Variants in ZDHHC11 observed in about 807,000 individuals in gnomAD.
ZDHHC11 encodes the protein zDHHC palmitoyltransferase 11.
A neutral mutation model predicts 51.3 loss-of-function variants in ZDHHC11; 44 were observed. The observed-to-expected ratio is 0.86, with a 90% CI of 0.67 to 1.10. The LOEUF (loss-of-function observed/expected upper bound fraction) is 1.10. Ranked by LOEUF, ZDHHC11 falls within the 50% of genes least tolerant of loss-of-function variation. The pLI, the probability that ZDHHC11 is intolerant of heterozygous loss-of-function variation, is 0.00. For missense variants in ZDHHC11, 400 were observed against 537.7 expected (o/e 0.74, Z 2.53); for synonymous variants, 163 against 222.0 (o/e 0.73, Z 2.36).
chr5:860,021 C>T (rs550545990), upstream of ZDHHC11, among the ~76,000 whole-genome samples: 2 of 152,206 alleles, frequency 1.3e-5, no homozygotes, highest in African/African-American at 2.4e-5. The surrounding 1 kb of genome is among the most constrained non-coding windows in gnomAD (Gnocchi z 4.2). Context: ...GCCCTCTTGC[C>T]GGCTGAAGCC....
rs59892924 is a variant in ZDHHC11, at chr5:813,350, AT to A, written c.1181+1410del. Among the ~76,000 whole-genome samples, 9 of 142,230 alleles carry A rather than the reference AT, an allele frequency of 6.3e-5. 1 individual carries two copies. The highest frequency in any genetic ancestry group is 2.9e-4 in the Admixed American group (4 of 13,802). 93.3% of individuals were successfully genotyped at this position (142,230 alleles called of 152,430 possible). A position where few individuals can be genotyped will look rare whatever the true frequency, so the allele number is the denominator to read the frequency against. On this transcript the variant is annotated intron_variant, in intron 11 of 12. Coordinates refer to ENST00000283441, the MANE Select transcript of ZDHHC11 (RefSeq NM_024786.3). The stretch of plus-strand genomic sequence containing the variant: ...CTCAAAAAAATAAAAAAATAAAAAA[AT>A]AAATGTTCCTCCATGATCCAGGGCA...
At chr5:818,750 A>C (rs534050936) in intron 10 of ZDHHC11, among the ~76,000 whole-genome samples, 2 of 151,414 alleles carry the variant, frequency 1.3e-5, no homozygotes, top group African/African-American at 4.8e-5. Context: ...AGTTTCAGCT[A>C]CTCGGGAGGC....
chr5:805,474 T>G (rs1739113478), intron 11 of ZDHHC11, among the ~76,000 whole-genome samples: 1 of 151,164 alleles, frequency 6.6e-6, no homozygotes, highest in Non-Finnish European at 1.5e-5. Context: ...TGTTATACAT[T>G]TAAGACATTA....
chr5:850,671 A>G lies in ZDHHC11; in HGVS notation c.-69T>C, dbSNP rs1355317974. 61 of 1,575,720 alleles carry G rather than the reference A, an allele frequency of 3.9e-5. No individual in the cohort carries two copies. Among genetic ancestry groups the G allele is most frequent in the Non-Finnish European group, 5.3e-5 (61 of 1,156,688 alleles). On this transcript the variant is annotated 5_prime_UTR_variant, in exon 1 of 13. Coordinates refer to ENST00000283441, the MANE Select transcript of ZDHHC11 (RefSeq NM_024786.3). ...GAGGGCCGGCCCCGCCCACTGTCACAGAGACCAAGGGGACTGGGAATGCAG... is the reference window on the plus strand; with the variant it reads ...GAGGGCCGGCCCCGCCCACTGTCACGGAGACCAAGGGGACTGGGAATGCAG...
chr5:799,270 T>C (rs568878896), intron 12 of ZDHHC11, among the ~76,000 whole-genome samples: 1 of 151,472 alleles, frequency 6.6e-6, no homozygotes, highest in East Asian at 1.9e-4. Context: ...GCCCTTCGCC[T>C]CCTCTCTCTC....
upstream of ZDHHC11, among the ~76,000 whole-genome samples, chr5:853,002 G>GC (rs1561313353): frequency 7.8e-5 from 11 of 141,666 alleles, no homozygotes; most frequent in African/African-American, 1.6e-4. Flanking sequence ...GAGCCAGGGG[G>GC]ACAGACCCCA....
At chr5:814,838 C>T in intron 10 of ZDHHC11, 43 bp from the exon 11 acceptor site, 1 of 1,492,270 alleles carries the variant, frequency 6.7e-7, no homozygotes, top group Non-Finnish European at 9.0e-7. Context: ...TGAACAAAGA[C>T]CTTGTTGACA....
At chr5:851,682 C>T (rs1230810091), upstream of ZDHHC11, among the ~76,000 whole-genome samples, 3 of 152,282 alleles carry the variant, frequency 2.0e-5, no homozygotes, top group Non-Finnish European at 2.9e-5. Context: ...CAGGCGGATG[C>T]GGGGCCACAG....
rs1449341469 is a variant in ZDHHC11, at chr5:824,426, A to C, written c.1023+738T>G. ...CAGTGAGCCATTATCCCACCACTGC[A>C]ATCCATGTTGGGTGATGGAGTGAGA... On this transcript the variant is annotated intron_variant, in intron 8 of 12. Coordinates refer to ENST00000283441, the MANE Select transcript of ZDHHC11 (RefSeq NM_024786.3). 5.4e-3 allele frequency among the ~76,000 whole-genome samples: 787 copies of C among 144,412 alleles called. 2 individuals carry two copies. The highest frequency in any genetic ancestry group is 0.017 in the African/African-American group (665 of 40,080). The allele number at this position is 144,412 out of a possible 152,430, so 94.7% of individuals were successfully genotyped here. A position where few individuals can be genotyped will look rare whatever the true frequency, so the allele number is the denominator to read the frequency against.
intron 11 of ZDHHC11, among the ~76,000 whole-genome samples, chr5:808,747 G>A (rs1363610234): frequency 6.9e-6 from 1 of 145,342 alleles, no homozygotes; most frequent in Non-Finnish European, 1.5e-5. Flanking sequence ...GCCCAGGCTG[G>A]AGTGCAGTGG....
chr5:835,135 G>C (rs537213105), intron 6 of ZDHHC11, among the ~76,000 whole-genome samples: 1 of 151,316 alleles, frequency 6.6e-6, no homozygotes, highest in Admixed American at 6.6e-5. Flanking sequence ...CTTGTTTCTA[G>C]AAGTGTTCTA....
chr5:848,828 G>C (rs1206765584), intron 1 of ZDHHC11, among the ~76,000 whole-genome samples, 168 bp from the exon 2 acceptor site: 1 of 151,466 alleles, frequency 6.6e-6, no homozygotes, highest in Non-Finnish European at 1.5e-5. Flanking sequence ...ACACAGCCCT[G>C]CACACCCAGC....
At position 828,038 on chromosome 5, in the gene ZDHHC11, G is replaced by A. The variant is rs1008965451; in HGVS notation, c.936-2787C>T. 1.3e-3 allele frequency among the ~76,000 whole-genome samples: 192 copies of A among 151,464 alleles called. 5 individuals are homozygous for A. The highest frequency in any genetic ancestry group is 2.3e-3 in the Non-Finnish European group (159 of 67,748). ...CTGAGTGGACACAGCACATGTTTCA[G>A]AGAGCACAGGGTTGGGGGTAAGGTC... is the stretch of plus-strand genomic sequence containing the variant. On this transcript the variant is annotated intron_variant, in intron 7 of 12. Transcript: ENST00000283441.
intron 10 of ZDHHC11, among the ~76,000 whole-genome samples, chr5:819,216 A>C: frequency 6.6e-6 from 1 of 151,466 alleles, no homozygotes; most frequent in African/African-American, 2.4e-5. Flanking sequence ...CCCTCACTGC[A>C]TGTTCTGGGC....
intron 5 of ZDHHC11, among the ~76,000 whole-genome samples, chr5:837,790 T>C (rs1744114079): frequency 6.6e-6 from 1 of 151,878 alleles, no homozygotes; most frequent in Admixed American, 6.6e-5. Context: ...AGATGAGCTG[T>C]CTCTCACAGA....
rs188921195 is a variant in ZDHHC11 at position 814,418 on chromosome 5, T to A, written c.1181+343A>T. Among the ~76,000 whole-genome samples the A allele has an allele frequency of 3.5e-3, 536 of 151,250 alleles. 8 individuals are homozygous for A. Among genetic ancestry groups the A allele is most frequent in the African/African-American group, 0.013 (519 of 41,228 alleles). The stretch of plus-strand genomic sequence containing the variant: ...TGTCATCAGTGGATGTATTTAGAGT[T>A]GAAATGACAAGATCTGACTCTCAAT... On this transcript the variant is annotated intron_variant, in intron 11 of 12. Coordinates refer to ENST00000283441, the MANE Select transcript of ZDHHC11 (RefSeq NM_024786.3).
chr5:797,255 C>T (rs923202277), intron 12 of ZDHHC11, among the ~76,000 whole-genome samples: 1 of 151,446 alleles, frequency 6.6e-6, no homozygotes, highest in African/African-American at 2.4e-5. Context: ...TTGTTTACGG[C>T]ATTTATCAAT....
chr5:801,951 T>G lies in ZDHHC11; in HGVS notation c.1182-787A>C, dbSNP rs139597678. ...ATGTATCCATAAATGAGTAAGGACA[T>G]TACATCAAAGAAAAGCAAGAGGGAA... On this transcript the variant is annotated intron_variant, in intron 11 of 12. Transcript: ENST00000283441. 2.6e-3 allele frequency among the ~76,000 whole-genome samples: 388 copies of G among 151,466 alleles called. 13 individuals carry two copies. Among genetic ancestry groups the G allele is most frequent in the African/African-American group, 8.0e-3 (329 of 41,294 alleles).
intron 8 of ZDHHC11, 61 bp from the exon 9 acceptor site, chr5:821,956 A>C (rs1741630468): frequency 3.4e-6 from 5 of 1,481,028 alleles, no homozygotes; most frequent in Non-Finnish European, 3.7e-6. Flanking sequence ...TCTTAAAAAA[A>C]ATTCAAGTCC....
Sources: allele counts gnomAD v4.1 joint callset (sites outside exome capture counted in the v4.1 genomes callset), GRCh38; gene constraint gnomAD v4.1.1; non-coding constraint Gnocchi (gnomAD v3.1); transcripts MANE v1.5; gene names NCBI Gene and HGNC (gene_info 2026-07-23, HGNC 2026-07-21).